KCNK10: variants seen among roughly 807,000 people sequenced by gnomAD.
KCNK10 encodes the protein potassium two pore domain channel subfamily K member 10, also known as potassium channel subfamily K member 10.
Under a neutral mutation model 47.7 loss-of-function variants are expected in KCNK10, and 25 were observed. The observed-to-expected ratio is 0.52, with a 90% CI of 0.38 to 0.73. The LOEUF (loss-of-function observed/expected upper bound fraction) is 0.73, where lower values mean the gene tolerates loss of function less well. Among genes scored for constraint, KCNK10 ranks in the 30% least tolerant of loss-of-function variants. The probability of loss-of-function intolerance (pLI) is 0.00; values close to 1 mark genes in which losing one functional copy is unlikely to be tolerated. For synonymous variants in KCNK10, 303 were observed against 285.6 expected (o/e 1.06, Z -0.61); for missense variants, 563 against 714.5 (o/e 0.79, Z 2.42).
intron 4 of KCNK10, among the ~76,000 whole-genome samples, chr14:88,205,542 CTTTTTT>C (rs200265659): frequency 8.6e-6 from 1 of 115,778 alleles, no homozygotes; most frequent in Non-Finnish European, 1.7e-5. Flanking sequence ...CTTTTCTTTT[CTTTTTT>C]TTTTTTTTTT....
At chr14:88,221,693 T>A (rs1885814728) in intron 4 of KCNK10, among the ~76,000 whole-genome samples, 1 of 152,212 alleles carries the variant, frequency 6.6e-6, no homozygotes, top group Admixed American at 6.5e-5. Context: ...TCATCACACA[T>A]CTTTGTATTT....
chr14:88,274,869 G>A (rs999101546), intron 1 of KCNK10, among the ~76,000 whole-genome samples: 4 of 152,076 alleles, frequency 2.6e-5, no homozygotes, highest in Admixed American at 2.0e-4. Flanking sequence ...ACCCACCACC[G>A]GGTCTGAAGG....
At chr14:88,296,603 T>C (rs1270831188) in intron 1 of KCNK10, among the ~76,000 whole-genome samples, 2 of 152,234 alleles carry the variant, frequency 1.3e-5, no homozygotes, top group East Asian at 1.9e-4. Context: ...AATGAATTTA[T>C]GTGGCAGGCC....
At chr14:88,212,937 C>A (rs535082935) in intron 4 of KCNK10, among the ~76,000 whole-genome samples, 1 of 152,338 alleles carries the variant, frequency 6.6e-6, no homozygotes, top group Non-Finnish European at 1.5e-5. Flanking sequence ...CAGCATGGGG[C>A]TGCACATGCT....
At position 88,185,684 on chromosome 14, in the gene KCNK10, TCTC is replaced by T; in HGVS notation, c.1480_1482del (p.Glu494del). On this transcript the variant is annotated inframe_deletion, in exon 7 of 7. Coordinates refer to ENST00000319231, the MANE Select transcript of KCNK10 (RefSeq NM_138317.3). The surrounding 1 kb of genome is among the most constrained non-coding windows in gnomAD (Gnocchi z 4.3). ...TTGTCTGAGTTACACATCTTTTCCGTCTCCTCCTCTTTCTTCTCCTCGTCCAGG... is the reference window on the plus strand; with the variant it reads ...TTGTCTGAGTTACACATCTTTTCCGTCTCCTCTTTCTTCTCCTCGTCCAGG... 6.2e-7 allele frequency: 1 copy of T among 1,614,144 alleles called. No homozygotes were observed. Among genetic ancestry groups the T allele is most frequent in the Non-Finnish European group, 8.5e-7 (1 of 1,180,030 alleles).
chr14:88,283,921 G>A (rs1887710461), intron 1 of KCNK10, among the ~76,000 whole-genome samples: 1 of 151,878 alleles, frequency 6.6e-6, no homozygotes, highest in Admixed American at 6.6e-5. Context: ...AAAAAAAAAA[G>A]TCTGAACACC....
chr14:88,185,882 G>A lies in KCNK10; in HGVS notation c.1285C>T (p.Arg429Cys), dbSNP rs373732858. Reference sequence around the variant, plus strand: ...TTCAGCTGCTCCGGCCCCTTCAGGCGCAGGTTGTTGGGCCGGTTGTTGATG... The same window carrying A: ...TTCAGCTGCTCCGGCCCCTTCAGGCACAGGTTGTTGGGCCGGTTGTTGATG... ...ESINNRPNNL[R>C]LKGPEQLNKH... Residue 429 changes from arginine to cysteine, a missense_variant, in exon 7 of 7, where the codon CGC becomes TGC. Arg to Cys is a radical substitution (Grantham distance 180). Transcript: ENST00000319231. This position sits in a 1 kb window ranked among gnomAD's most constrained non-coding sequence, Gnocchi z 4.3. 2.7e-5 allele frequency: 43 copies of A among 1,614,078 alleles called. No homozygotes were observed. The highest frequency in any genetic ancestry group is 3.3e-5 in the South Asian group (3 of 91,068).
At chr14:88,236,349 A>G (rs532123406) in intron 3 of KCNK10, among the ~76,000 whole-genome samples, 1 of 152,266 alleles carries the variant, frequency 6.6e-6, no homozygotes, top group East Asian at 1.9e-4. Context: ...AATGTGAGTC[A>G]ATAAAATGGA....
chr14:88,313,170 A>C (rs758489666), intron 1 of KCNK10, among the ~76,000 whole-genome samples: 1 of 152,256 alleles, frequency 6.6e-6, no homozygotes, highest in African/African-American at 2.4e-5. Flanking sequence ...AAGCAGAGAT[A>C]ATAATTTCAC....
chr14:88,316,290 C>A (rs1399032431), intron 1 of KCNK10, among the ~76,000 whole-genome samples: 1 of 152,028 alleles, frequency 6.6e-6, no homozygotes, highest in Admixed American at 6.6e-5. Flanking sequence ...ATTTTCAATT[C>A]AGAGTACTCA....
At chr14:88,193,501 T>C (rs1307160703) in intron 4 of KCNK10, among the ~76,000 whole-genome samples, 1 of 152,194 alleles carries the variant, frequency 6.6e-6, no homozygotes, top group African/African-American at 2.4e-5. Flanking sequence ...CCTGGTATCA[T>C]ATACTAGCAT....
chr14:88,309,422 C>T (rs967564637), intron 1 of KCNK10, among the ~76,000 whole-genome samples: 1 of 151,998 alleles, frequency 6.6e-6, no homozygotes, highest in African/African-American at 2.4e-5. Context: ...GGCAACATGG[C>T]AAAATCCCGT....
chr14:88,323,070 T>C lies in KCNK10; in HGVS notation c.-272A>G, dbSNP rs1461186442. On this transcript the variant is annotated 5_prime_UTR_variant, in exon 1 of 7. Coordinates refer to ENST00000319231, the MANE Select transcript of KCNK10 (RefSeq NM_138317.3). ...AAAAGTAAGATCGGCGAGGGGTGGA[T>C]GAAAGGATGGAGAGGAAGGCTTGGG... 3.1e-6 allele frequency: 4 copies of C among 1,277,558 alleles called. No individual in the cohort carries two copies. Among genetic ancestry groups the C allele is most frequent in the Non-Finnish European group, 4.0e-6 (4 of 1,004,594 alleles). 79.1% of individuals were successfully genotyped at this position (1,277,558 alleles called of 1,614,324 possible). A position where few individuals can be genotyped will look rare whatever the true frequency, so the allele number is the denominator to read the frequency against.
intron 1 of KCNK10, among the ~76,000 whole-genome samples, chr14:88,298,740 C>T (rs115569979): frequency 0.016 from 2,427 of 152,268 alleles, 78 homozygotes; most frequent in African/African-American, 0.055. Flanking sequence ...AAATTATGTA[C>T]GCCCAGCTAG....
chr14:88,200,749 C>T (rs1885075702), intron 4 of KCNK10, among the ~76,000 whole-genome samples: 3 of 152,166 alleles, frequency 2.0e-5, no homozygotes, highest in African/African-American at 7.2e-5. Flanking sequence ...TACTCTCTGT[C>T]AGATATTGAG....
upstream of KCNK10, chr14:88,326,503 GC>G: frequency 6.8e-7 from 1 of 1,474,406 alleles, no homozygotes; most frequent in Non-Finnish European, 9.5e-7. Context: ...CTGTGCCGCC[GC>G]AACTTCCATG....
chr14:88,274,991 A>G (rs1266783336), intron 1 of KCNK10, among the ~76,000 whole-genome samples: 2 of 151,842 alleles, frequency 1.3e-5, no homozygotes, highest in African/African-American at 4.8e-5. Flanking sequence ...CCCTACCCCA[A>G]ACCATTCCAA....
rs536953560 is a variant in KCNK10, at chr14:88,181,369, C to G, written c.*4166G>C. On this transcript the variant is annotated 3_prime_UTR_variant, in exon 7 of 7. Transcript: ENST00000319231. ...AAACATGGAATGGTCCTTATAGAACCCAAAGCAGCCATTTCCTCAGGTGTG... is the reference window on the plus strand; with the variant it reads ...AAACATGGAATGGTCCTTATAGAACGCAAAGCAGCCATTTCCTCAGGTGTG... The G allele has an allele frequency of 1.6e-3, 236 of 151,912 alleles. 3 individuals carry two copies. The highest frequency in any genetic ancestry group is 8.6e-3 in the South Asian group (41 of 4,786). The allele number at this position is 151,912 out of a possible 1,614,324, so 9.4% of individuals were successfully genotyped here. A position where few individuals can be genotyped will look rare whatever the true frequency, so the allele number is the denominator to read the frequency against.
intron 3 of KCNK10, among the ~76,000 whole-genome samples, chr14:88,239,886 TA>T (rs1886402838): frequency 6.8e-5 from 10 of 146,416 alleles, no homozygotes; most frequent in East Asian, 2.0e-4. Context: ...TAAAATAAAA[TA>T]AAATAAAATA....
Sources: allele counts gnomAD v4.1 joint callset (sites outside exome capture counted in the v4.1 genomes callset), GRCh38; gene constraint gnomAD v4.1.1; non-coding constraint Gnocchi (gnomAD v3.1); transcripts MANE v1.5; gene names NCBI Gene and HGNC (gene_info 2026-07-23, HGNC 2026-07-21).